Variants in PALM2AKAP2 observed in about 807,000 individuals in gnomAD.
The protein encoded by PALM2AKAP2 is PALM2-AKAP2 fusion protein.
PALM2AKAP2 carries 37 observed loss-of-function variants against 71.5 expected under a neutral mutation model. The ratio of observed to expected loss-of-function variants is 0.52; its 90% CI spans 0.40 to 0.68. The LOEUF is 0.68. PALM2AKAP2 is among the 30% of genes least tolerant of loss of function. The probability of loss-of-function intolerance (pLI) is 0.00; values close to 1 mark genes in which losing one functional copy is unlikely to be tolerated. For missense variants in PALM2AKAP2, 1,224 were observed against 1,191.8 expected, an observed-to-expected ratio of 1.03 and a Z score of -0.40; for synonymous variants, 468 against 478.8, an observed-to-expected ratio of 0.98 and a Z score of 0.29.
In PALM2AKAP2 at chr9:109,943,502, G is replaced by T. The variant is rs922366281; in HGVS notation, c.496+11474G>T. The T allele has an allele frequency of 4.0e-6, 6 of 1,497,052 alleles. No homozygotes were observed. In the African/African-American group the frequency reaches 7.0e-5, roughly 17 times the overall value. 92.7% of individuals were successfully genotyped at this position (1,497,052 alleles called of 1,614,324 possible). On this transcript the variant is annotated intron_variant, in intron 6 of 9. Coordinates refer to the PALM2AKAP2 transcript ENST00000302798. The stretch of plus-strand genomic sequence containing the variant: ...CGTAGACCTCACTGTACCACTAACT[G>T]CAATACTGTGAACTGGAAGCAAACA...
intron 6 of PALM2AKAP2, among the ~76,000 whole-genome samples, chr9:109,937,766 A>G (rs1475200262): frequency 1.3e-5 from 2 of 152,220 alleles, no homozygotes; most frequent in Non-Finnish European, 2.9e-5. Context: ...TCCTTCATCC[A>G]GGAAAATTTC....
chr9:109,849,893 G>A (rs1201653974), intron 1 of PALM2AKAP2, among the ~76,000 whole-genome samples: 1 of 152,014 alleles, frequency 6.6e-6, no homozygotes, highest in Non-Finnish European at 1.5e-5. Flanking sequence ...ATTACATTAG[G>A]CCTTTATCAG....
At chr9:109,952,201 T>A (rs975947931) in intron 6 of PALM2AKAP2, among the ~76,000 whole-genome samples, 1 of 152,268 alleles carries the variant, frequency 6.6e-6, no homozygotes, top group African/African-American at 2.4e-5. Context: ...TAAACTTTAT[T>A]TACAAAAACA....
intron 1 of PALM2AKAP2, among the ~76,000 whole-genome samples, chr9:109,860,110 ATCTCGAACAGGGATGTG>A (rs1443596172): frequency 1.3e-5 from 2 of 152,200 alleles, no homozygotes; most frequent in Non-Finnish European, 2.9e-5. Flanking sequence ...GAGATAACTG[ATCTCGAACAGGGATGTG>A]TCTGCTGAGC....
At chr9:109,965,428 T>C (rs1161495881) in intron 6 of PALM2AKAP2, among the ~76,000 whole-genome samples, 2 of 152,254 alleles carry the variant, frequency 1.3e-5, no homozygotes, top group East Asian at 3.8e-4. Context: ...AATTTTGATA[T>C]ATGTCACAAC....
chr9:109,834,704 C>T (rs1828407910), intron 1 of PALM2AKAP2, among the ~76,000 whole-genome samples: 2 of 152,170 alleles, frequency 1.3e-5, no homozygotes, highest in South Asian at 4.2e-4. Flanking sequence ...ACATGCTAGG[C>T]ACTGTGTTGA....
intron 2 of PALM2AKAP2, among the ~76,000 whole-genome samples, chr9:109,879,699 G>GT (rs369185975): frequency 0.01 from 1,403 of 135,060 alleles, 14 homozygotes; most frequent in African/African-American, 0.024. Flanking sequence ...GGGATGTATG[G>GT]TTTTTTTTTT....
At chr9:109,981,059 A>G (rs1832259898) in intron 6 of PALM2AKAP2, among the ~76,000 whole-genome samples, 1 of 152,222 alleles carries the variant, frequency 6.6e-6, no homozygotes, top group Non-Finnish European at 1.5e-5. Context: ...ACTAAAGTAC[A>G]TAGAATAGTG....
intron 1 of PALM2AKAP2, among the ~76,000 whole-genome samples, chr9:109,697,847 C>A (rs1827995213): frequency 6.6e-6 from 1 of 152,208 alleles, no homozygotes; most frequent in African/African-American, 2.4e-5. Flanking sequence ...CATGTATCTC[C>A]ATTTAAATGA....
chr9:110,035,643 TATATATAA>T (rs1833385233), intron 7 of PALM2AKAP2, among the ~76,000 whole-genome samples: 3 of 130,888 alleles, frequency 2.3e-5, no homozygotes, highest in African/African-American at 8.8e-5. Flanking sequence ...TGTTGTGTGT[TATATATAA>T]CATATATAGG....
intron 1 of PALM2AKAP2, among the ~76,000 whole-genome samples, chr9:109,693,041 G>A (rs75787685): frequency 1.8e-4 from 28 of 151,858 alleles, no homozygotes; most frequent in African/African-American, 6.5e-4. Context: ...GAAGATTTGT[G>A]TAGAATTGGC....
intron 1 of PALM2AKAP2, among the ~76,000 whole-genome samples, chr9:109,834,675 C>G (rs941908826): frequency 1.3e-5 from 2 of 152,204 alleles, no homozygotes; most frequent in Non-Finnish European, 2.9e-5. Context: ...GCAACAGCTT[C>G]TGTTTGCTAA....
intron 1 of PALM2AKAP2, among the ~76,000 whole-genome samples, chr9:109,866,286 C>G (rs1181015657): frequency 6.6e-6 from 1 of 152,108 alleles, no homozygotes; most frequent in African/African-American, 2.4e-5. Context: ...TTGTTGTTGT[C>G]CCTAGGATTT....
At chr9:109,815,701 G>C (rs1827834866) in intron 1 of PALM2AKAP2, among the ~76,000 whole-genome samples, 1 of 152,238 alleles carries the variant, frequency 6.6e-6, no homozygotes, top group Non-Finnish European at 1.5e-5. Flanking sequence ...AGCAGGTTCA[G>C]TGAGGTTGTG....
At chr9:109,829,172 T>A (rs1320624494) in intron 1 of PALM2AKAP2, among the ~76,000 whole-genome samples, 1 of 152,234 alleles carries the variant, frequency 6.6e-6, no homozygotes, top group Non-Finnish European at 1.5e-5. Flanking sequence ...TTATACTTGG[T>A]TGTTTGCATA....
At chr9:109,997,690 A>G (rs1832599746) in intron 6 of PALM2AKAP2, among the ~76,000 whole-genome samples, 1 of 152,068 alleles carries the variant, frequency 6.6e-6, no homozygotes, top group African/African-American at 2.4e-5. Flanking sequence ...AGAGCAGAAG[A>G]GGGAGAGGGA....
At chr9:110,051,824 C>G (rs1401706367) in intron 1 of PALM2AKAP2, among the ~76,000 whole-genome samples, 1 of 151,856 alleles carries the variant, frequency 6.6e-6, no homozygotes, top group Non-Finnish European at 1.5e-5. Flanking sequence ...GATTCTGTGT[C>G]AGCTATTGGA....
intron 4 of PALM2AKAP2, among the ~76,000 whole-genome samples, 162 bp downstream of exon 4, chr9:109,924,011 G>C (rs1412168489): frequency 1.3e-5 from 2 of 152,226 alleles, no homozygotes; most frequent in African/African-American, 4.8e-5. Flanking sequence ...GGGCCATCCT[G>C]AAGCTAAGCA....
At chr9:110,025,399 C>CTTTTTTTTTTTTTTTTT in intron 7 of PALM2AKAP2, 2 of 670,354 alleles carry the variant, frequency 3.0e-6, no homozygotes, top group Non-Finnish European at 2.6e-6. Context: ...GCCCGAAAGG[C>CTTTTTTTTTTTTTTTTT]TTTTTTTTTT....
Sources: allele counts gnomAD v4.1 joint callset (sites outside exome capture counted in the v4.1 genomes callset), GRCh38; gene constraint gnomAD v4.1.1; transcripts MANE v1.5; gene names NCBI Gene and HGNC (gene_info 2026-07-23, HGNC 2026-07-21).